AGO3: variants seen among roughly 807,000 people sequenced by gnomAD.
AGO3 encodes argonaute RISC catalytic component 3, also known as protein argonaute-3.
AGO3 carries 16 observed loss-of-function variants against 105.5 expected under a neutral mutation model. That is an observed-to-expected ratio of 0.15 (90% CI 0.10 to 0.23). AGO3 has a LOEUF of 0.23. Ranked by LOEUF, AGO3 falls within the 10% of genes least tolerant of loss-of-function variation. The pLI is 1.00. For synonymous variants in AGO3, 340 were observed against 367.3 expected (o/e 0.93, Z 0.85); for missense variants, 534 against 1,088.0 (o/e 0.49, Z 7.16).
chr1:36,021,471 T>C (rs1641219310), intron 11 of AGO3, among the ~76,000 whole-genome samples: 1 of 152,090 alleles, frequency 6.6e-6, no homozygotes, highest in Non-Finnish European at 1.5e-5. Context: ...TTTTGGAATA[T>C]ATATTAATAT....
chr1:35,981,075 A>T (rs1049117717), intron 5 of AGO3, among the ~76,000 whole-genome samples: 20 of 152,112 alleles, frequency 1.3e-4, no homozygotes, highest in Admixed American at 6.5e-4. Context: ...TTGAGTTTCT[A>T]AATTTCTCCT....
At chr1:36,013,471 C>T in intron 9 of AGO3, 159 bp from the exon 10 acceptor site, 1 of 917,292 alleles carries the variant, frequency 1.1e-6, no homozygotes, top group Non-Finnish European at 1.6e-6. Flanking sequence ...CCATGGTCCC[C>T]AGGTTAAGAT....
chr1:36,003,894 C>T (rs1416316659), intron 5 of AGO3: 1 of 152,140 alleles, frequency 6.6e-6, no homozygotes, highest in Non-Finnish European at 1.5e-5. Context: ...GTGGCTAACA[C>T]CTATAATCCT....
chr1:36,016,833 TCA>T (rs1048730159), intron 11 of AGO3, among the ~76,000 whole-genome samples: 1 of 152,204 alleles, frequency 6.6e-6, no homozygotes, highest in African/African-American at 2.4e-5. Flanking sequence ...CTTTAATGTT[TCA>T]GTGTAATTGT....
chr1:35,973,110 T>G (rs1646897918), intron 4 of AGO3, among the ~76,000 whole-genome samples: 1 of 152,072 alleles, frequency 6.6e-6, no homozygotes, highest in South Asian at 2.1e-4. Flanking sequence ...AACTGTTAAC[T>G]TTTTAAAACC....
At chr1:35,952,412 GGATTACAGGGGT>G (rs563066060) in intron 2 of AGO3, among the ~76,000 whole-genome samples, 136 of 152,046 alleles carry the variant, frequency 8.9e-4, no homozygotes, top group African/African-American at 3.0e-3. Context: ...CAAAATGCTA[GGATTACAGGGGT>G]GAGCCACTGC....
chr1:36,011,427 A>G (rs888361458), intron 9 of AGO3, among the ~76,000 whole-genome samples: 1 of 152,008 alleles, frequency 6.6e-6, no homozygotes, highest in Non-Finnish European at 1.5e-5. Flanking sequence ...TTAGGAAAAT[A>G]TATGCTGGTT....
At chr1:35,946,985 G>T (rs567876708) in intron 2 of AGO3, among the ~76,000 whole-genome samples, 8 of 152,258 alleles carry the variant, frequency 5.3e-5, no homozygotes, top group African/African-American at 1.9e-4. Context: ...GGTGAAACCA[G>T]AACTCCAGAA....
chr1:36,013,583 G>T, intron 9 of AGO3, 47 bp from the exon 10 acceptor site: 1 of 1,609,096 alleles, frequency 6.2e-7, no homozygotes. Flanking sequence ...TAAAGTAGGG[G>T]ATTTGGGGGA....
intron 17 of AGO3, among the ~76,000 whole-genome samples, chr1:36,048,574 G>C (rs1642571901): frequency 6.6e-6 from 1 of 152,040 alleles, no homozygotes; most frequent in Non-Finnish European, 1.5e-5. Context: ...ATAATAAGAA[G>C]AAAGGAAGAA....
chr1:36,009,636 G>T (rs757450020), intron 9 of AGO3, 42 bp downstream of exon 9: 12 of 1,579,974 alleles, frequency 7.6e-6, no homozygotes, highest in Admixed American at 7.4e-5. Context: ...AAACATATTA[G>T]GGTGAACTGT....
chr1:35,940,235 T>C (rs959980167), intron 1 of AGO3, among the ~76,000 whole-genome samples: 3 of 152,016 alleles, frequency 2.0e-5, no homozygotes, highest in African/African-American at 7.2e-5. Context: ...CCCGGCTAAT[T>C]TTTGTATTTT....
intron 3 of AGO3, among the ~76,000 whole-genome samples, chr1:35,969,405 A>T (rs1313724413): frequency 6.6e-6 from 1 of 152,176 alleles, no homozygotes; most frequent in East Asian, 1.9e-4. Context: ...GATTTTGATT[A>T]TTCTTGCTTG....
At chr1:35,973,604 C>G in intron 5 of AGO3, 93 bp downstream of exon 5, 1 of 1,252,916 alleles carries the variant, frequency 8.0e-7, no homozygotes, top group Middle Eastern at 2.1e-4. Flanking sequence ...ATACTGGTGT[C>G]TCGAAGTAAT....
At chr1:35,958,960 T>C (rs1646626288) in intron 2 of AGO3, among the ~76,000 whole-genome samples, 1 of 152,326 alleles carries the variant, frequency 6.6e-6, no homozygotes, top group South Asian at 2.1e-4. Flanking sequence ...TTGGGGAAAA[T>C]ATTCTTTCAT....
chr1:36,033,616 G>C (rs1641879942), intron 12 of AGO3, among the ~76,000 whole-genome samples: 1 of 146,194 alleles, frequency 6.8e-6, no homozygotes, highest in Non-Finnish European at 1.5e-5. Flanking sequence ...CTGCACTCCA[G>C]CCTGGGTGAC....
Position 35,931,376 on chromosome 1 carries a change from C to A in AGO3, c.-51C>A. On this transcript the variant is annotated 5_prime_UTR_variant, in exon 1 of 19. Coordinates refer to ENST00000373191, the MANE Select transcript of AGO3 (RefSeq NM_024852.4). ...GTCGCCCCCCGGGCCGCCTCCTTGC[C>A]GCCAGTGGCGGGCTCCGTTCTCCCT... The A allele has an allele frequency of 2.8e-6, 4 of 1,416,124 alleles. No homozygotes were observed. Among genetic ancestry groups the A allele is most frequent in the Non-Finnish European group, 3.7e-6 (4 of 1,078,934 alleles). 87.7% of individuals were successfully genotyped at this position (1,416,124 alleles called of 1,614,324 possible). A position where few individuals can be genotyped will look rare whatever the true frequency, so the allele number is the denominator to read the frequency against.
chr1:36,000,202 A>G (rs187839841), intron 5 of AGO3, among the ~76,000 whole-genome samples: 63 of 152,308 alleles, frequency 4.1e-4, no homozygotes, highest in African/African-American at 1.4e-3. Context: ...GAAGGAATAA[A>G]CTACATATAT....
rs763514360 is a variant in AGO3 at position 36,010,487 on chromosome 1, CCAGCTAGT to C, written c.1149+897_1149+904del. Among the ~76,000 whole-genome samples, 242 of 151,926 alleles carry C rather than the reference CCAGCTAGT, an allele frequency of 1.6e-3. 1 individual carries two copies. Among genetic ancestry groups the C allele is most frequent in the Non-Finnish European group, 3.0e-3 (205 of 67,936 alleles). On this transcript the variant is annotated intron_variant, in intron 9 of 18. Transcript: ENST00000373191. Reference sequence around the variant, plus strand: ...GGCATGGTGGCATGTGTCTGTAATCCCAGCTAGTCAGGTGGCTGAGGCATGAGAATAAC... The same window carrying C: ...GGCATGGTGGCATGTGTCTGTAATCCCAGGTGGCTGAGGCATGAGAATAAC...
Sources: allele counts gnomAD v4.1 joint callset (sites outside exome capture counted in the v4.1 genomes callset), GRCh38; gene constraint gnomAD v4.1.1; transcripts MANE v1.5; gene names NCBI Gene and HGNC (gene_info 2026-07-23, HGNC 2026-07-21).